TEX11: variants seen among roughly 807,000 people sequenced by gnomAD.
TEX11 encodes testis expressed 11, also known as testis-expressed protein 11.
A neutral mutation model predicts 84.4 loss-of-function variants in TEX11; 7 were observed. That is an observed-to-expected ratio of 0.08 (90% CI 0.05 to 0.16). TEX11 has a LOEUF of 0.16. Ranked by LOEUF, TEX11 falls within the 10% of genes least tolerant of loss-of-function variation. The pLI is 1.00. For missense variants in TEX11, 551 were observed against 660.5 expected, an observed-to-expected ratio of 0.83 and a Z score of 1.82; for synonymous variants, 264 against 222.8, an observed-to-expected ratio of 1.18 and a Z score of -1.64.
chrX:70,810,317 C>T (rs1489549267), intron 8 of TEX11, among the ~76,000 whole-genome samples: 1 of 112,136 alleles, frequency 8.9e-6, no homozygotes, highest in African/African-American at 3.2e-5. Context: ...GATTATAAAT[C>T]ATTCTATCAT....
chrX:70,748,179 T>C (rs1743798808), intron 9 of TEX11, among the ~76,000 whole-genome samples: 1 of 111,337 alleles, frequency 9.0e-6, no homozygotes, highest in Non-Finnish European at 1.9e-5. Context: ...AAAGAAATGA[T>C]GGTCTTAAAA....
chrX:70,817,892 A>G (rs2091297769), intron 8 of TEX11, among the ~76,000 whole-genome samples: 3 of 112,171 alleles, frequency 2.7e-5, no homozygotes, highest in Admixed American at 1.9e-4. Context: ...AAGTAATGGC[A>G]ACACGTAAAA....
At chrX:70,513,133 C>T in the TEX11 span, among the ~76,000 whole-genome samples, 1 of 108,135 alleles carries the variant, frequency 9.2e-6, no homozygotes, top group East Asian at 2.9e-4. Context: ...ATGGGTGGAT[C>T]ACCTGAGGTC....
At chrX:70,838,676 C>G (rs1369029193) in intron 7 of TEX11, among the ~76,000 whole-genome samples, 1 of 112,420 alleles carries the variant, frequency 8.9e-6, no homozygotes, top group Non-Finnish European at 1.9e-5. Flanking sequence ...CAAGCCAAAG[C>G]AGGGCGAGGC....
the TEX11 span, among the ~76,000 whole-genome samples, chrX:70,518,003 C>T: frequency 3.7e-3 from 394 of 106,810 alleles, 2 homozygotes; most frequent in Non-Finnish European, 6.1e-3. Context: ...CTATTTGATT[C>T]TTCTCTCTTT....
rs143637592 is a variant in TEX11, at chrX:70,764,543, G to A, written c.693-20324C>T. On this transcript the variant is annotated intron_variant, in intron 9 of 29. Transcript: ENST00000374333. ...CATAAGTTCAATGAAACAAAAATGC[G>A]GTTTTTTGAAAAGTTAAACAAAATT... 3.5e-3 allele frequency among the ~76,000 whole-genome samples: 387 copies of A among 111,095 alleles called. 2 individuals carry two copies. The highest frequency in any genetic ancestry group is 0.012 in the African/African-American group (358 of 30,675).
At chrX:70,800,548 A>G (rs1465486575) in intron 9 of TEX11, among the ~76,000 whole-genome samples, 1 of 111,593 alleles carries the variant, frequency 9.0e-6, no homozygotes, top group Non-Finnish European at 1.9e-5. Flanking sequence ...TAAATACAAT[A>G]TTAACTTGGG....
At chrX:70,600,266 G>A (rs1459970857) in intron 24 of TEX11, among the ~76,000 whole-genome samples, 2 of 111,741 alleles carry the variant, frequency 1.8e-5, no homozygotes, top group East Asian at 5.6e-4. Flanking sequence ...TTCTCTGATG[G>A]CCAGTGATGA....
rs148610846 is a variant in TEX11, at chrX:70,824,738, A to C, written c.606+8775T>G. 1.3e-4 allele frequency among the ~76,000 whole-genome samples: 14 copies of C among 111,571 alleles called. No homozygotes were observed. In the East Asian group the frequency reaches 3.9e-3, roughly 31 times the overall value. On this transcript the variant is annotated intron_variant, in intron 8 of 29. Transcript: ENST00000374333. The stretch of plus-strand genomic sequence containing the variant: ...TGATTAAGTTCAAGGCTTATCCTAC[A>C]ACCTTAATAACCAGGAATCTCAACC...
intron 8 of TEX11, among the ~76,000 whole-genome samples, chrX:70,809,587 T>C (rs2091239829): frequency 8.9e-6 from 1 of 111,932 alleles, no homozygotes; most frequent in Non-Finnish European, 1.9e-5. Context: ...TGTAGATACA[T>C]GGAGGTAAAT....
chrX:70,520,746 A>C, the TEX11 span, among the ~76,000 whole-genome samples: 1 of 112,150 alleles, frequency 8.9e-6, no homozygotes, highest in Non-Finnish European at 1.9e-5. Context: ...CCAGAGGTGG[A>C]GTCTACAGAG....
intron 9 of TEX11, among the ~76,000 whole-genome samples, chrX:70,793,229 G>A (rs932776420): frequency 3.6e-5 from 4 of 111,320 alleles, no homozygotes; most frequent in Admixed American, 1.9e-4. Context: ...ACAAACCCAC[G>A]GCCAACATCA....
chrX:70,564,839 A>G (rs1248569378), intron 25 of TEX11, among the ~76,000 whole-genome samples: 3 of 110,490 alleles, frequency 2.7e-5, no homozygotes, highest in Middle Eastern at 8.4e-3. Context: ...GGTCTTTCCT[A>G]TTGTGAATAG....
At chrX:70,515,520 C>T in the TEX11 span, among the ~76,000 whole-genome samples, 13 of 112,293 alleles carry the variant, frequency 1.2e-4, no homozygotes, top group South Asian at 4.1e-3. Flanking sequence ...CAGTCTATCA[C>T]TGATGGACAT....
At chrX:70,593,295 A>G (rs1457008204) in intron 24 of TEX11, among the ~76,000 whole-genome samples, 1 of 112,049 alleles carries the variant, frequency 8.9e-6, no homozygotes, top group Admixed American at 9.5e-5. Flanking sequence ...TGTGCCTTCC[A>G]AAGAGTGACA....
intron 11 of TEX11, among the ~76,000 whole-genome samples, chrX:70,726,653 C>G (rs888892762): frequency 8.2e-5 from 9 of 110,168 alleles, no homozygotes; most frequent in African/African-American, 3.0e-4. Context: ...GCCTCAGCCT[C>G]CCGAGTAGCT....
intron 16 of TEX11, among the ~76,000 whole-genome samples, chrX:70,668,922 C>T (rs1326061549): frequency 8.9e-6 from 1 of 111,973 alleles, no homozygotes; most frequent in Non-Finnish European, 1.9e-5. Context: ...CACTCCTATT[C>T]CTCAAAGATT....
At chrX:70,717,378 G>A (rs1183469265) in intron 13 of TEX11, among the ~76,000 whole-genome samples, 3 of 108,141 alleles carry the variant, frequency 2.8e-5, no homozygotes, top group African/African-American at 1.0e-4. Context: ...GAGTGCAATG[G>A]CGCGATCTTG....
In TEX11 at chrX:70,609,161, A is replaced by G; in HGVS notation, c.1809T>C (p.Ser603=). Residue 603 remains serine (S), a synonymous_variant, in exon 22 of 30, where the codon TCT becomes TCC. Transcript: ENST00000374333. ...TTAAGGCTTCTTCACCAAAAGGCTG[A>G]GAAAGTTTCACAAAGGCTGCATCAA... ...TCLNRAFVKL[S]QPFGEEALSL... 5 of 1,209,617 alleles carry G rather than the reference A, an allele frequency of 4.1e-6. No homozygotes were observed. The South Asian group carries it at 5.3e-5, about 13-fold the overall frequency.
Sources: allele counts gnomAD v4.1 joint callset (sites outside exome capture counted in the v4.1 genomes callset), GRCh38; gene constraint gnomAD v4.1.1; transcripts MANE v1.5; gene names NCBI Gene and HGNC (gene_info 2026-07-23, HGNC 2026-07-21).